The following PTK2B variants were observed in gnomAD, a reference collection of about 807,000 sequenced individuals.
The protein encoded by PTK2B is protein-tyrosine kinase 2-beta.
A neutral mutation model predicts 142.9 loss-of-function variants in PTK2B; 71 were observed. That is an observed-to-expected ratio of 0.50 (90% CI 0.41 to 0.61). The LOEUF (loss-of-function observed/expected upper bound fraction) is 0.61, where lower values mean the gene tolerates loss of function less well. Among genes scored for constraint, PTK2B ranks in the 20% least tolerant of loss-of-function variants. PTK2B has a pLI of 0.00. For missense variants in PTK2B, 1,105 were observed against 1,320.4 expected (o/e 0.84, Z 2.53); for synonymous variants, 519 against 503.4 (o/e 1.03, Z -0.42).
chr8:27,419,753 C>T, intron 2 of PTK2B, 142 bp from the exon 3 acceptor site: 1 of 883,372 alleles, frequency 1.1e-6, no homozygotes. Context: ...AAATCTTCCC[C>T]TAAATGCTAG....
chr8:27,400,447 TAAAA>T (rs61165579), intron 2 of PTK2B, among the ~76,000 whole-genome samples: 1 of 136,808 alleles, frequency 7.3e-6, no homozygotes, highest in African/African-American at 2.7e-5. Context: ...AGGATTGAAT[TAAAA>T]AAAAAAAAAA....
intron 23 of PTK2B, 99 bp downstream of exon 23, chr8:27,444,370 G>T: frequency 7.3e-7 from 1 of 1,362,416 alleles, no homozygotes; most frequent in East Asian, 2.3e-5. Flanking sequence ...TCACCCACTT[G>T]GGTGATGGAG....
upstream of PTK2B, among the ~76,000 whole-genome samples, chr8:27,321,080 A>G (rs1803205572): frequency 7.4e-6 from 1 of 134,310 alleles, no homozygotes; most frequent in African/African-American, 2.9e-5. Flanking sequence ...TTGCATCCTC[A>G]GTCTCCTGGG....
intron 2 of PTK2B, among the ~76,000 whole-genome samples, chr8:27,407,245 C>T (rs1808774433): frequency 6.6e-6 from 1 of 152,172 alleles, no homozygotes; most frequent in Admixed American, 6.5e-5. Flanking sequence ...TCACACACAG[C>T]AGAAGGTGCA....
chr8:27,414,634 C>G (rs894714835), intron 2 of PTK2B, among the ~76,000 whole-genome samples: 15 of 15,086 alleles, frequency 9.9e-4, no homozygotes, highest in Admixed American at 4.6e-3. Context: ...CTCTTTCTAT[C>G]TATAAAACCA....
intron 2 of PTK2B, among the ~76,000 whole-genome samples, chr8:27,404,460 T>C (rs1808580290): frequency 6.6e-6 from 1 of 152,166 alleles, no homozygotes; most frequent in South Asian, 2.1e-4. Context: ...CACATTCACA[T>C]CCTCAGGAGG....
At chr8:27,418,167 G>A (rs1299184688) in intron 2 of PTK2B, among the ~76,000 whole-genome samples, 4 of 152,096 alleles carry the variant, frequency 2.6e-5, no homozygotes, top group Non-Finnish European at 4.4e-5. Flanking sequence ...CAGAGCAGTC[G>A]TCACCCTCTG....
At position 27,457,052 on chromosome 8, in the gene PTK2B, A is replaced by G. The variant is rs146446958; in HGVS notation, c.2815-1242A>G. On this transcript the variant is annotated intron_variant, in intron 30 of 30. Transcript: ENST00000346049. ...ATGGAGAAGCTGCAGCAAGTTCTCT[A>G]GAAGACCCAGCTAAGATCATTGATG... Among the ~76,000 whole-genome samples, 365 of 152,372 alleles carry G rather than the reference A, an allele frequency of 2.4e-3. 1 individual carries two copies. The highest frequency in any genetic ancestry group is 8.3e-3 in the African/African-American group (346 of 41,590).
At chr8:27,343,016 G>A (rs1369876033) in intron 1 of PTK2B, among the ~76,000 whole-genome samples, 1 of 152,190 alleles carries the variant, frequency 6.6e-6, no homozygotes, top group South Asian at 2.1e-4. Flanking sequence ...CCCCTGAGCT[G>A]ATGTGGCCGA....
chr8:27,398,493 A>G (rs1309250522), intron 2 of PTK2B, among the ~76,000 whole-genome samples: 1 of 152,206 alleles, frequency 6.6e-6, no homozygotes. Flanking sequence ...TTATTGAACA[A>G]TTACTGTGTG....
chr8:27,335,333 C>T (rs1014563538), intron 1 of PTK2B, among the ~76,000 whole-genome samples: 1 of 152,204 alleles, frequency 6.6e-6, no homozygotes, highest in Non-Finnish European at 1.5e-5. Flanking sequence ...TGACTCATGC[C>T]TGTAATCCCA....
intron 1 of PTK2B, among the ~76,000 whole-genome samples, chr8:27,352,689 G>A (rs1805167399): frequency 6.6e-6 from 1 of 152,214 alleles, no homozygotes; most frequent in African/African-American, 2.4e-5. Flanking sequence ...CTGTTCTCAT[G>A]ATGGTGAATA....
intron 2 of PTK2B, among the ~76,000 whole-genome samples, chr8:27,418,989 C>G (rs1002002714): frequency 2.0e-5 from 3 of 152,006 alleles, no homozygotes; most frequent in African/African-American, 7.3e-5. Context: ...GATCACATCA[C>G]TGCACTCCAG....
intron 1 of PTK2B, among the ~76,000 whole-genome samples, chr8:27,332,826 G>T (rs887959774): frequency 5.9e-5 from 9 of 152,182 alleles, no homozygotes; most frequent in Non-Finnish European, 1.3e-4. Context: ...AAGCAATTCT[G>T]CTTCGGCCTC....
chr8:27,371,030 G>A (rs1806325053), intron 1 of PTK2B, among the ~76,000 whole-genome samples: 1 of 152,014 alleles, frequency 6.6e-6, no homozygotes, highest in African/African-American at 2.4e-5. Context: ...CAAGAAGATG[G>A]GGCTACAGGT....
chr8:27,313,009 C>G (rs748983589), intron 2 of PTK2B, among the ~76,000 whole-genome samples: 1 of 152,144 alleles, frequency 6.6e-6, no homozygotes, highest in Non-Finnish European at 1.5e-5. Flanking sequence ...TTGGCTGTGT[C>G]CCCACCCCAA....
intron 5 of PTK2B, among the ~76,000 whole-genome samples, chr8:27,425,667 G>C (rs1319943489): frequency 6.6e-6 from 1 of 152,020 alleles, no homozygotes; most frequent in Admixed American, 6.6e-5. Flanking sequence ...GTTCACTCTT[G>C]GTATTGTATG....
intron 13 of PTK2B, among the ~76,000 whole-genome samples, chr8:27,435,355 T>C (rs751383873): frequency 8.5e-5 from 13 of 152,330 alleles, no homozygotes; most frequent in African/African-American, 1.2e-4. Context: ...TCCCATCGCA[T>C]TGGGAATTAG....
At chr8:27,425,059 T>A (rs2131911696) in intron 5 of PTK2B, among the ~76,000 whole-genome samples, 1 of 148,188 alleles carries the variant, frequency 6.7e-6, no homozygotes, top group South Asian at 2.2e-4. Context: ...AACATTATAG[T>A]CACGTTGTGT....
Sources: allele counts gnomAD v4.1 joint callset (sites outside exome capture counted in the v4.1 genomes callset), GRCh38; gene constraint gnomAD v4.1.1; transcripts MANE v1.5; gene names NCBI Gene and HGNC (gene_info 2026-07-23, HGNC 2026-07-21).